SYNE1: variants seen among roughly 807,000 people sequenced by gnomAD.
SYNE1 encodes the protein spectrin repeat containing nuclear envelope protein 1.
Under a neutral mutation model 1,111.0 loss-of-function variants are expected in SYNE1, and 616 were observed. That is an observed-to-expected ratio of 0.55 (90% CI 0.52 to 0.59). The LOEUF (loss-of-function observed/expected upper bound fraction) is 0.59, where lower values mean the gene tolerates loss of function less well. SYNE1 is among the 20% of genes least tolerant of loss of function. The pLI is 0.00. For synonymous variants in SYNE1, 3,855 were observed against 3,825.8 expected (o/e 1.01, Z -0.28); for missense variants, 10,006 against 10,417.0 (o/e 0.96, Z 1.72).
At chr6:152,365,544 C>G (rs1402050068) in intron 62 of SYNE1, among the ~76,000 whole-genome samples, 1 of 152,134 alleles carries the variant, frequency 6.6e-6, no homozygotes, top group Non-Finnish European at 1.5e-5. Flanking sequence ...ACTGCAGCCT[C>G]AAACCCCTGG....
chr6:152,459,027 A>G, intron 21 of SYNE1, 97 bp from the exon 22 acceptor site: 1 of 1,054,842 alleles, frequency 9.5e-7, no homozygotes, highest in South Asian at 1.3e-5. Flanking sequence ...CTTTAGTGAC[A>G]TGATCATTTG....
At chr6:152,139,255 G>T (rs2057830722) in intron 140 of SYNE1, among the ~76,000 whole-genome samples, 1 of 152,034 alleles carries the variant, frequency 6.6e-6, no homozygotes, top group South Asian at 2.1e-4. Flanking sequence ...TCTACAATAT[G>T]GTCCCCTTTT....
Position 152,254,916 on chromosome 6 carries a change from C to T in SYNE1, c.19434G>A (p.Gln6478=). 6.2e-7 allele frequency: 1 copy of T among 1,613,972 alleles called. No individual in the cohort carries two copies. Among genetic ancestry groups the T allele is most frequent in the Non-Finnish European group, 8.5e-7 (1 of 1,179,940 alleles). ...GTATTTGCTGAAGTCTTTCTTTCAT[C>T]TGATGACATCGTTGATTCACTACTG... ...LDSVVNQRCH[Q]MKERLQQILN... is the part of the protein sequence containing the mutation. Residue 6478 remains glutamine, a synonymous_variant, in exon 104 of 146, where the codon CAG becomes CAA. Coordinates refer to ENST00000367255, the MANE Select transcript of SYNE1 (RefSeq NM_182961.4).
intron 126 of SYNE1, among the ~76,000 whole-genome samples, chr6:152,204,856 T>C (rs1403476717): frequency 6.6e-6 from 1 of 152,150 alleles, no homozygotes; most frequent in Non-Finnish European, 1.5e-5. Flanking sequence ...TCATGCCTTA[T>C]TAAGTCTTGG....
intron 115 of SYNE1, among the ~76,000 whole-genome samples, chr6:152,226,830 C>T (rs1048534808): frequency 1.3e-5 from 2 of 152,080 alleles, no homozygotes; most frequent in African/African-American, 4.8e-5. Flanking sequence ...GAACCTCAGA[C>T]TGTGGAGGGA....
intron 74 of SYNE1, among the ~76,000 whole-genome samples, chr6:152,342,910 G>GC (rs2154012638): frequency 6.6e-6 from 1 of 152,120 alleles, no homozygotes; most frequent in East Asian, 1.9e-4. Context: ...CCTTGTTTTT[G>GC]CCCCAAAACT....
chr6:152,324,355 C>T (rs1387419427), intron 81 of SYNE1, among the ~76,000 whole-genome samples: 1 of 152,034 alleles, frequency 6.6e-6, no homozygotes, highest in Non-Finnish European at 1.5e-5. Flanking sequence ...GCTGAGATCA[C>T]ACCACTGCAC....
intron 6 of SYNE1, among the ~76,000 whole-genome samples, chr6:152,518,869 GA>G (rs34299006): frequency 6.7e-6 from 1 of 149,490 alleles, no homozygotes; most frequent in Admixed American, 6.7e-5. Context: ...TAGAGAGAGA[GA>G]GAGGAGAGAG....
intron 130 of SYNE1, among the ~76,000 whole-genome samples, chr6:152,165,661 C>T (rs866809054): frequency 1.1e-4 from 16 of 152,126 alleles, no homozygotes; most frequent in African/African-American, 3.9e-4. Flanking sequence ...CAATTCCACT[C>T]GAGATAAGAT....
chr6:152,170,061 C>T (rs2064798256), intron 130 of SYNE1, among the ~76,000 whole-genome samples: 1 of 152,028 alleles, frequency 6.6e-6, no homozygotes, highest in African/African-American at 2.4e-5. Context: ...GTCTTCAAAA[C>T]ATTTTATTGT....
intron 3 of SYNE1, among the ~76,000 whole-genome samples, chr6:152,573,323 C>CG (rs1491218244): frequency 6.7e-4 from 28 of 42,086 alleles, no homozygotes; most frequent in Non-Finnish European, 3.0e-4. Flanking sequence ...CTAATGCTAT[C>CG]CCCCCCCCTC....
In SYNE1 at chr6:152,633,970, G is replaced by A. The variant is rs2099702051; in HGVS notation, c.-224+2668C>T. On this transcript the variant is annotated intron_variant, in intron 2 of 145. Coordinates refer to ENST00000367255, the MANE Select transcript of SYNE1 (RefSeq NM_182961.4). ...CCTGCTATTTGGGATGCTCCCAGTT[G>A]AAAGGCATACTCTTCTTAACATCAC... is the stretch of plus-strand genomic sequence containing the variant. Among the ~76,000 whole-genome samples the A allele has an allele frequency of 2.0e-5, 3 of 152,144 alleles. No individual in the cohort carries two copies. In the South Asian group the frequency reaches 6.2e-4, roughly 32 times the overall value.
Position 152,334,279 on chromosome 6 carries a change from G to C in SYNE1, c.12529-6C>G, listed in dbSNP as rs773255709. On this transcript the variant is annotated splice_region_variant and splice_polypyrimidine_tract_variant and intron_variant, in intron 76 of 145. Coordinates refer to ENST00000367255, the MANE Select transcript of SYNE1 (RefSeq NM_182961.4). ...TGTAGTTTCTTAACAAAATCCTAAA[G>C]GATAACAGCAACAAAAAATATGTAA... is the stretch of plus-strand genomic sequence containing the variant. 8.7e-6 allele frequency: 14 copies of C among 1,612,772 alleles called. No homozygotes were observed. Among genetic ancestry groups the C allele is most frequent in the Non-Finnish European group, 1.1e-5 (13 of 1,179,962 alleles).
intron 62 of SYNE1, among the ~76,000 whole-genome samples, chr6:152,366,327 C>T (rs1297357980): frequency 2.6e-5 from 4 of 151,806 alleles, no homozygotes; most frequent in East Asian, 3.9e-4. Flanking sequence ...AGCAAAACTC[C>T]GTCTAAAATA....
intron 108 of SYNE1, among the ~76,000 whole-genome samples, 195 bp from the exon 109 acceptor site, chr6:152,237,143 A>T (rs906246622): frequency 2.0e-5 from 3 of 152,130 alleles, no homozygotes; most frequent in African/African-American, 7.2e-5. Flanking sequence ...AGCATTGTGA[A>T]TGGGCTCTGG....
intron 21 of SYNE1, 83 bp from the exon 22 acceptor site, chr6:152,459,013 T>A: frequency 2.5e-6 from 3 of 1,177,800 alleles, no homozygotes; most frequent in Non-Finnish European, 3.8e-6. Flanking sequence ...CTGAGGAACA[T>A]TTTCTTTAGT....
At chr6:152,255,863 CA>C in intron 102 of SYNE1, 117 bp from the exon 103 acceptor site, 1 of 1,164,384 alleles carries the variant, frequency 8.6e-7, no homozygotes, top group Non-Finnish European at 1.3e-6. Flanking sequence ...TTTGGTAGCC[CA>C]AAGCAGACAG....
chr6:152,291,763 G>T (rs1408384468), intron 95 of SYNE1, among the ~76,000 whole-genome samples: 1 of 152,222 alleles, frequency 6.6e-6, no homozygotes. Flanking sequence ...TTGAACAAAG[G>T]TGGAGATGTC....
chr6:152,368,891 T>G, intron 61 of SYNE1, 81 bp downstream of exon 61: 2 of 1,593,876 alleles, frequency 1.3e-6, no homozygotes, highest in Non-Finnish European at 1.7e-6. Flanking sequence ...CAGGATGCAA[T>G]GCACACCCTG....
Sources: gnomAD v4.1 joint callset for allele counts (sites outside exome capture counted in the v4.1 genomes callset) on GRCh38, gnomAD v4.1.1 for gene constraint, MANE v1.5 for transcripts, NCBI Gene and HGNC (gene_info 2026-07-23, HGNC 2026-07-21) for gene names.